ERBB4: variants seen among roughly 807,000 people sequenced by gnomAD.
The protein encoded by ERBB4 is erb-b2 receptor tyrosine kinase 4.
Under a neutral mutation model 158.0 loss-of-function variants are expected in ERBB4, and 42 were observed. The observed-to-expected ratio is 0.27, with a 90% CI of 0.21 to 0.34. ERBB4 has a LOEUF of 0.34. Among genes scored for constraint, ERBB4 ranks in the 10% least tolerant of loss-of-function variants. The pLI, the probability that ERBB4 is intolerant of heterozygous loss-of-function variation, is 1.00. For missense variants in ERBB4, 1,333 were observed against 1,624.1 expected (o/e 0.82, Z 3.08); for synonymous variants, 583 against 558.7 (o/e 1.04, Z -0.61).
intron 1 of ERBB4, among the ~76,000 whole-genome samples, chr2:212,313,114 A>T (rs2221461): frequency 1.3e-5 from 2 of 150,510 alleles, no homozygotes; most frequent in African/African-American, 4.9e-5. Flanking sequence ...AAATATATCC[A>T]ATTTGGATAC....
chr2:211,675,683 GA>G (rs2072033241), intron 13 of ERBB4, among the ~76,000 whole-genome samples: 2 of 149,992 alleles, frequency 1.3e-5, no homozygotes, highest in South Asian at 4.2e-4. Context: ...GTAATTGACT[GA>G]TTTTCATTTT....
intron 1 of ERBB4, among the ~76,000 whole-genome samples, chr2:212,135,132 C>A (rs776570110): frequency 2.3e-4 from 35 of 152,218 alleles, no homozygotes; most frequent in Non-Finnish European, 4.4e-4. Flanking sequence ...TATATATACT[C>A]CTATCTGCTG....
At chr2:212,261,032 G>A (rs1160145323) in intron 1 of ERBB4, among the ~76,000 whole-genome samples, 1 of 152,116 alleles carries the variant, frequency 6.6e-6, no homozygotes, top group Non-Finnish European at 1.5e-5. Flanking sequence ...GAGAAAACCT[G>A]GGTTCTATAA....
At chr2:211,912,381 T>A (rs1417975757) in intron 3 of ERBB4, among the ~76,000 whole-genome samples, 4 of 152,038 alleles carry the variant, frequency 2.6e-5, no homozygotes, top group Non-Finnish European at 5.9e-5. Context: ...ATTTCAAATG[T>A]TCTCATCAAA....
chr2:211,552,808 A>C (rs921085469), intron 20 of ERBB4, among the ~76,000 whole-genome samples: 8 of 152,198 alleles, frequency 5.3e-5, no homozygotes, highest in Non-Finnish European at 1.2e-4. Flanking sequence ...TTTTTGCAGG[A>C]ATAGTAAGTC....
intron 4 of ERBB4, among the ~76,000 whole-genome samples, chr2:211,771,160 C>A (rs1575120852): frequency 1.3e-5 from 2 of 152,324 alleles, no homozygotes; most frequent in East Asian, 3.9e-4. Flanking sequence ...ACAAAAGGTA[C>A]TCAGGCAGAA....
At chr2:211,687,147 T>A (rs1190775553) in intron 12 of ERBB4, among the ~76,000 whole-genome samples, 1 of 26,346 alleles carries the variant, frequency 3.8e-5, no homozygotes, top group Non-Finnish European at 1.0e-4. Context: ...AAAAAAAAAG[T>A]ACAAAAAGTT....
chr2:212,446,336 T>C (rs1375664437), intron 1 of ERBB4, among the ~76,000 whole-genome samples: 1 of 151,456 alleles, frequency 6.6e-6, no homozygotes, highest in African/African-American at 2.4e-5. Flanking sequence ...CTACCCTTAA[T>C]CTGGTGGGCA....
intron 3 of ERBB4, among the ~76,000 whole-genome samples, chr2:211,893,001 A>T (rs1210568733): frequency 6.8e-6 from 1 of 147,938 alleles, no homozygotes; most frequent in Non-Finnish European, 1.5e-5. Flanking sequence ...TAATTTACAG[A>T]TTCAATGCCA....
At chr2:211,804,341 G>A (rs2076565490) in intron 3 of ERBB4, among the ~76,000 whole-genome samples, 1 of 152,176 alleles carries the variant, frequency 6.6e-6, no homozygotes, top group South Asian at 2.1e-4. Flanking sequence ...AATCACTCAG[G>A]TGAGACTATA....
intron 1 of ERBB4, among the ~76,000 whole-genome samples, chr2:212,178,699 AT>A (rs1169187725): frequency 6.6e-6 from 1 of 151,680 alleles, no homozygotes; most frequent in Non-Finnish European, 1.5e-5. Context: ...TTAAACTTTC[AT>A]TCTGGTCACC....
At chr2:211,486,665 C>G (rs957436393) in intron 20 of ERBB4, among the ~76,000 whole-genome samples, 1 of 152,020 alleles carries the variant, frequency 6.6e-6, no homozygotes, top group African/African-American at 2.4e-5. Context: ...TTTACTATAA[C>G]CATCCATGAC....
chr2:212,060,830 G>A lies in ERBB4; in HGVS notation c.234+63922C>T, dbSNP rs549451587. Among the ~76,000 whole-genome samples, 3 of 150,594 alleles carry A rather than the reference G, an allele frequency of 2.0e-5. No homozygotes were observed. The South Asian group carries it at 6.3e-4, about 32-fold the overall frequency. On this transcript the variant is annotated intron_variant, in intron 2 of 27. Coordinates refer to ENST00000342788, the MANE Select transcript of ERBB4 (RefSeq NM_005235.3). ...TGTCATGGGGTGGGGAGATGGGGGA[G>A]GGATACCATTAGGAGATATACCTAA... is the stretch of plus-strand genomic sequence containing the variant.
intron 1 of ERBB4, among the ~76,000 whole-genome samples, chr2:212,197,186 A>G (rs1390934517): frequency 6.6e-6 from 1 of 152,156 alleles, no homozygotes; most frequent in Non-Finnish European, 1.5e-5. Flanking sequence ...ACTCATTGTC[A>G]TGACTAGACC....
intron 2 of ERBB4, among the ~76,000 whole-genome samples, chr2:211,991,938 A>G (rs533133254): frequency 6.6e-6 from 1 of 152,278 alleles, no homozygotes; most frequent in East Asian, 1.9e-4. Flanking sequence ...TATTTGATAA[A>G]GTTAAGGGAG....
intron 19 of ERBB4, among the ~76,000 whole-genome samples, chr2:211,588,112 G>A (rs2068342733): frequency 6.6e-6 from 1 of 152,090 alleles, no homozygotes; most frequent in Non-Finnish European, 1.5e-5. Context: ...ATGGAATTAT[G>A]TTTTAATGTG....
intron 3 of ERBB4, among the ~76,000 whole-genome samples, chr2:211,902,045 T>C (rs2125034473): frequency 6.6e-6 from 1 of 152,162 alleles, no homozygotes; most frequent in South Asian, 2.1e-4. Flanking sequence ...GTTAGAAAGC[T>C]TTCCAACCTT....
At chr2:211,557,035 G>A (rs2067253710) in intron 20 of ERBB4, among the ~76,000 whole-genome samples, 1 of 152,026 alleles carries the variant, frequency 6.6e-6, no homozygotes, top group Admixed American at 6.6e-5. Flanking sequence ...TTAATAAATG[G>A]GGCTGTAATA....
At chr2:211,384,956 G>C (rs1275768596) in intron 27 of ERBB4, among the ~76,000 whole-genome samples, 1 of 151,828 alleles carries the variant, frequency 6.6e-6, no homozygotes, top group Non-Finnish European at 1.5e-5. Context: ...CTATAATATA[G>C]ACTGCACATA....
Sources: allele counts gnomAD v4.1 joint callset (sites outside exome capture counted in the v4.1 genomes callset), GRCh38; gene constraint gnomAD v4.1.1; transcripts MANE v1.5; gene names NCBI Gene and HGNC (gene_info 2026-07-23, HGNC 2026-07-21).